Variants in GMDS observed in about 807,000 individuals in gnomAD.
GMDS encodes GDP-mannose 4,6 dehydratase.
A neutral mutation model predicts 49.9 loss-of-function variants in GMDS; 20 were observed. The observed-to-expected ratio is 0.40, with a 90% CI of 0.28 to 0.58. The LOEUF is 0.58. Ranked by LOEUF, GMDS falls within the 20% of genes least tolerant of loss-of-function variation. GMDS has a pLI of 0.42. For missense variants in GMDS, 362 were observed against 481.4 expected, an observed-to-expected ratio of 0.75 and a Z score of 2.32; for synonymous variants, 177 against 178.6, an observed-to-expected ratio of 0.99 and a Z score of 0.07.
intron 4 of GMDS, among the ~76,000 whole-genome samples, chr6:2,041,905 GA>G (rs1369207557): frequency 6.6e-6 from 1 of 152,206 alleles, no homozygotes; most frequent in Non-Finnish European, 1.5e-5. Flanking sequence ...TCCAAGAGCA[GA>G]GGTGACAATG....
Position 1,927,143 on chromosome 6 carries a change from A to G in GMDS, c.771+2960T>C, listed in dbSNP as rs55955010. Among the ~76,000 whole-genome samples the G allele has an allele frequency of 5.7e-4, 26 of 45,292 alleles. 1 individual carries two copies. Among genetic ancestry groups the G allele is most frequent in the African/African-American group, 9.7e-4 (13 of 13,468 alleles). 29.7% of individuals were successfully genotyped at this position (45,292 alleles called of 152,430 possible). ...TTTTTATTCAGAGGGTAGCGTGTTG[A>G]TGTATTTTTATTCAGAGGGTAGCGT... On this transcript the variant is annotated intron_variant, in intron 7 of 10. Transcript: ENST00000380815.
At chr6:1,729,471 G>A (rs908907086) in intron 8 of GMDS, among the ~76,000 whole-genome samples, 1 of 152,220 alleles carries the variant, frequency 6.6e-6, no homozygotes, top group African/African-American at 2.4e-5. Context: ...ATGTAATCAG[G>A]AAATGGCTCA....
chr6:2,146,042 A>T (rs1430487102), intron 1 of GMDS, among the ~76,000 whole-genome samples: 1 of 152,242 alleles, frequency 6.6e-6, no homozygotes, highest in African/African-American at 2.4e-5. Context: ...ACCAGTAATC[A>T]CATGAAAGAT....
intron 1 of GMDS, among the ~76,000 whole-genome samples, chr6:2,238,344 C>A (rs1056692250): frequency 2.0e-5 from 3 of 152,140 alleles, no homozygotes; most frequent in Admixed American, 2.0e-4. Context: ...GATTGCACCA[C>A]TGCACTTCAA....
At chr6:1,956,834 T>A (rs1413736087) in intron 6 of GMDS, among the ~76,000 whole-genome samples, 1 of 151,712 alleles carries the variant, frequency 6.6e-6, no homozygotes, top group East Asian at 1.9e-4. Context: ...TTTTTTGAGA[T>A]GGAGTCTCGC....
At chr6:1,818,105 A>G (rs532703267) in intron 7 of GMDS, among the ~76,000 whole-genome samples, 49 of 152,350 alleles carry the variant, frequency 3.2e-4, no homozygotes, top group African/African-American at 1.2e-3. Context: ...CTGAATGCAC[A>G]TTAATGCATG....
chr6:2,118,392 G>C (rs1051327981), intron 2 of GMDS, among the ~76,000 whole-genome samples: 2 of 152,118 alleles, frequency 1.3e-5, no homozygotes, highest in African/African-American at 4.8e-5. Flanking sequence ...TTCTACTGGT[G>C]GCAGTTTTAA....
chr6:1,785,684 A>G (rs226444), intron 7 of GMDS, among the ~76,000 whole-genome samples: 103,150 of 152,176 alleles, frequency 0.68, 36,221 homozygotes, highest in African/African-American at 0.87. Context: ...AGCCATGACC[A>G]TCCTGCCCAG....
At chr6:2,142,697 G>A (rs1776361929) in intron 1 of GMDS, among the ~76,000 whole-genome samples, 1 of 152,130 alleles carries the variant, frequency 6.6e-6, no homozygotes, top group Non-Finnish European at 1.5e-5. Context: ...CTTTGTTATG[G>A]CAGCCCTAGT....
intron 4 of GMDS, among the ~76,000 whole-genome samples, chr6:1,983,541 C>A (rs990104858): frequency 2.0e-5 from 3 of 151,932 alleles, no homozygotes; most frequent in Non-Finnish European, 4.4e-5. Flanking sequence ...AAAAAATAAA[C>A]CATTAAAAAG....
At chr6:2,113,868 T>C (rs1774695692) in intron 4 of GMDS, among the ~76,000 whole-genome samples, 2 of 152,184 alleles carry the variant, frequency 1.3e-5, no homozygotes, top group South Asian at 4.1e-4. Flanking sequence ...AAATTCTCAC[T>C]GAAGAGTGCC....
At chr6:2,199,578 C>T (rs1779415895) in intron 1 of GMDS, among the ~76,000 whole-genome samples, 1 of 152,140 alleles carries the variant, frequency 6.6e-6, no homozygotes, top group Non-Finnish European at 1.5e-5. Context: ...CTACTCAGGA[C>T]CTTGGCGCCA....
At chr6:1,994,101 TAG>T (rs1766128108) in intron 4 of GMDS, among the ~76,000 whole-genome samples, 1 of 152,262 alleles carries the variant, frequency 6.6e-6, no homozygotes, top group African/African-American at 2.4e-5. Context: ...TATAAGTTCA[TAG>T]AATAGTTAAG....
intron 1 of GMDS, among the ~76,000 whole-genome samples, chr6:2,128,647 T>C (rs895253015): frequency 6.6e-6 from 1 of 152,186 alleles, no homozygotes; most frequent in African/African-American, 2.4e-5. Flanking sequence ...CCCACTCCTC[T>C]ACCTGGCACC....
intron 9 of GMDS, among the ~76,000 whole-genome samples, chr6:1,723,176 G>A (rs542512172): frequency 6.6e-6 from 1 of 151,730 alleles, no homozygotes; most frequent in African/African-American, 2.4e-5. Context: ...GCTAGTACCT[G>A]CCTTTGCTGA....
rs536823792 is a variant in GMDS, at chr6:1,627,386, T to C, written c.988-2846A>G. Among the ~76,000 whole-genome samples the C allele has an allele frequency of 1.8e-4, 28 of 152,312 alleles. No individual in the cohort carries two copies. The East Asian group carries it at 5.2e-3, about 28-fold the overall frequency. On this transcript the variant is annotated intron_variant, in intron 9 of 10. Transcript: ENST00000380815. ...AAGGATGTGGATTCCCTTCCTTAAA[T>C]AAGGCTTCCTCTGGGCTGAGAAGGA...
At position 1,720,230 on chromosome 6, in the gene GMDS, G is replaced by C. The variant is rs564364957; in HGVS notation, c.987+6186C>G. On this transcript the variant is annotated intron_variant, in intron 9 of 10. Coordinates refer to ENST00000380815, the MANE Select transcript of GMDS (RefSeq NM_001500.4). ...TCATTAGATATGAAATGCTCTTGAG[G>C]GGGGAGAGCAACCGAGGAAAGAACC... Among the ~76,000 whole-genome samples, 13 of 152,028 alleles carry C rather than the reference G, an allele frequency of 8.6e-5. No individual in the cohort carries two copies. The South Asian group carries it at 1.2e-3, about 15-fold the overall frequency.
intron 1 of GMDS, among the ~76,000 whole-genome samples, chr6:2,130,651 A>G (rs1178003143): frequency 1.3e-5 from 2 of 152,208 alleles, no homozygotes; most frequent in African/African-American, 2.4e-5. Flanking sequence ...GAGGCTTTCA[A>G]TCATCCTTGA....
At chr6:1,834,891 A>G (rs1248235237) in intron 7 of GMDS, among the ~76,000 whole-genome samples, 1 of 152,056 alleles carries the variant, frequency 6.6e-6, no homozygotes, top group East Asian at 1.9e-4. Flanking sequence ...ACCTTTTTAT[A>G]CTACTTTATA....
Sources: gnomAD v4.1 joint callset for allele counts (sites outside exome capture counted in the v4.1 genomes callset) on GRCh38, gnomAD v4.1.1 for gene constraint, MANE v1.5 for transcripts, NCBI Gene and HGNC (gene_info 2026-07-23, HGNC 2026-07-21) for gene names.